The following NALCN variants were observed in gnomAD, a reference collection of about 807,000 sequenced individuals.
NALCN encodes sodium leak channel, non-selective.
Under a neutral mutation model 225.3 loss-of-function variants are expected in NALCN, and 111 were observed. That is an observed-to-expected ratio of 0.49 (90% CI 0.42 to 0.58). The LOEUF (loss-of-function observed/expected upper bound fraction) is 0.58, where lower values mean the gene tolerates loss of function less well. Among genes scored for constraint, NALCN ranks in the 20% least tolerant of loss-of-function variants. The pLI is 0.00. For missense variants in NALCN, 1,378 were observed against 2,202.4 expected (o/e 0.63, Z 7.49); for synonymous variants, 764 against 769.0 (o/e 0.99, Z 0.11).
chr13:101,248,984 C>T (rs1228893338), intron 11 of NALCN, among the ~76,000 whole-genome samples: 1 of 152,042 alleles, frequency 6.6e-6, no homozygotes, highest in African/African-American at 2.4e-5. Flanking sequence ...CCTGGAACCC[C>T]CTGAGCTTAC....
intron 14 of NALCN, among the ~76,000 whole-genome samples, chr13:101,190,222 T>A (rs895576055): frequency 7.2e-5 from 11 of 152,188 alleles, no homozygotes; most frequent in African/African-American, 2.7e-4. Flanking sequence ...AACGATTAGG[T>A]TGATTACTAT....
chr13:101,384,500 T>C (rs1337928266), intron 3 of NALCN, among the ~76,000 whole-genome samples: 2 of 152,310 alleles, frequency 1.3e-5, no homozygotes, highest in South Asian at 2.1e-4. Context: ...CAAAATGATA[T>C]GCACTGGTAC....
intron 2 of NALCN, among the ~76,000 whole-genome samples, chr13:101,397,109 T>TATACACAC (rs1169730118): frequency 1.7e-4 from 14 of 80,964 alleles, no homozygotes; most frequent in African/African-American, 5.8e-4. Flanking sequence ...TATATATATA[T>TATACACAC]ACATACACAT....
chr13:101,190,241 T>C (rs1399123180), intron 14 of NALCN, among the ~76,000 whole-genome samples: 2 of 152,330 alleles, frequency 1.3e-5, no homozygotes, highest in Non-Finnish European at 2.9e-5. Context: ...ATAAAATAAT[T>C]AGATTGATAT....
intron 22 of NALCN, among the ~76,000 whole-genome samples, chr13:101,105,895 G>A (rs994752930): frequency 1.3e-5 from 2 of 152,156 alleles, no homozygotes; most frequent in Non-Finnish European, 2.9e-5. Flanking sequence ...AAATGACACC[G>A]AGTGGTCCCT....
chr13:101,106,849 T>G (rs530729841), intron 22 of NALCN, among the ~76,000 whole-genome samples: 1 of 152,326 alleles, frequency 6.6e-6, no homozygotes, highest in Non-Finnish European at 1.5e-5. Context: ...TCTTTATCAG[T>G]GGCATGAAAA....
chr13:101,382,686 T>A (rs1241853314), intron 3 of NALCN, among the ~76,000 whole-genome samples: 4 of 152,208 alleles, frequency 2.6e-5, no homozygotes, highest in African/African-American at 9.7e-5. Flanking sequence ...ATTAGAAGCA[T>A]ACAAACATCT....
intron 7 of NALCN, among the ~76,000 whole-genome samples, chr13:101,297,302 G>C (rs544810): frequency 4.6e-5 from 7 of 152,274 alleles, no homozygotes; most frequent in East Asian, 1.9e-4. Context: ...CATGACAGAA[G>C]TTGGGAAGTT....
At position 101,119,807 on chromosome 13, in the gene NALCN, G is replaced by A. The variant is rs1291096390; in HGVS notation, c.2192+4801C>T. On this transcript the variant is annotated intron_variant, in intron 18 of 43. Coordinates refer to ENST00000251127, the MANE Select transcript of NALCN (RefSeq NM_052867.4). Reference sequence around the variant, plus strand: ...AATCCTGGATTTTATAATTCAGGTAGTGGAACATCCTCTTCGGATAACTCT... The same window carrying A: ...AATCCTGGATTTTATAATTCAGGTAATGGAACATCCTCTTCGGATAACTCT... Among the ~76,000 whole-genome samples the A allele has an allele frequency of 2.6e-5, 4 of 152,214 alleles. No individual in the cohort carries two copies. In the South Asian group the frequency reaches 6.2e-4, roughly 24 times the overall value.
Position 101,272,974 on chromosome 13 carries a change from G to A in NALCN, c.1134+10959C>T, listed in dbSNP as rs536800495. 2.6e-5 allele frequency among the ~76,000 whole-genome samples: 4 copies of A among 152,288 alleles called. No individual in the cohort carries two copies. The East Asian group carries it at 7.7e-4, about 29-fold the overall frequency. ...ACACTGAAGGAATAATTTCGCCACC[G>A]TTTGACCTACTTTCAGCAAGCACCT... On this transcript the variant is annotated intron_variant, in intron 10 of 43. Transcript: ENST00000251127.
intron 6 of NALCN, among the ~76,000 whole-genome samples, chr13:101,361,133 A>G (rs1213228449): frequency 6.6e-6 from 1 of 152,178 alleles, no homozygotes; most frequent in African/African-American, 2.4e-5. Flanking sequence ...TTTACCAAAG[A>G]GATTTCATCC....
At position 101,378,557 on chromosome 13, in the gene NALCN, A is replaced by G; in HGVS notation, c.375+13T>C. On this transcript the variant is annotated intron_variant, in intron 4 of 43. Coordinates refer to ENST00000251127, the MANE Select transcript of NALCN (RefSeq NM_052867.4). ...GAGAATACCTGCTTGTAATTTAAAA[A>G]ATATTTAATTACCTGTAGCACCAAA... 1 of 1,584,626 alleles carries G rather than the reference A, an allele frequency of 6.3e-7. No homozygotes were observed. The highest frequency in any genetic ancestry group is 8.6e-7 in the Non-Finnish European group (1 of 1,164,838).
intron 3 of NALCN, 55 bp from the exon 4 acceptor site, chr13:101,378,708 A>G (rs2139426697): frequency 7.0e-7 from 1 of 1,420,076 alleles, no homozygotes; most frequent in East Asian, 2.3e-5. Context: ...TTAAAGAACA[A>G]TCTGTGGAGG....
At chr13:101,059,741 C>A in intron 42 of NALCN, 77 bp downstream of exon 42, 2 of 1,339,364 alleles carry the variant, frequency 1.5e-6, no homozygotes, top group Non-Finnish European at 2.1e-6. Context: ...ATCTGACCAG[C>A]ACCCATTTTA....
At chr13:101,087,320 A>C (rs2033981311) in intron 30 of NALCN, among the ~76,000 whole-genome samples, 1 of 152,118 alleles carries the variant, frequency 6.6e-6, no homozygotes, top group Non-Finnish European at 1.5e-5. Flanking sequence ...TGTGTGCTCC[A>C]TGAGGGCAAA....
At chr13:101,237,020 G>A (rs2041585784) in intron 12 of NALCN, among the ~76,000 whole-genome samples, 1 of 151,322 alleles carries the variant, frequency 6.6e-6, no homozygotes, top group African/African-American at 2.4e-5. Context: ...TACATTTGAG[G>A]TGTTTTTGAC....
chr13:101,082,293 C>T (rs542277648), intron 33 of NALCN, among the ~76,000 whole-genome samples: 25 of 152,286 alleles, frequency 1.6e-4, no homozygotes, highest in African/African-American at 5.8e-4. Flanking sequence ...GTGTTCTCTA[C>T]ACTCTTTCCT....
chr13:101,111,095 C>T (rs1397125111), intron 19 of NALCN, 30 bp downstream of exon 19: 2 of 1,586,498 alleles, frequency 1.3e-6, no homozygotes, highest in East Asian at 2.3e-5. Context: ...TTTTTAGAGT[C>T]TCTGAAGCCC....
intron 18 of NALCN, among the ~76,000 whole-genome samples, chr13:101,121,609 T>A (rs2035976402): frequency 6.6e-6 from 1 of 152,168 alleles, no homozygotes; most frequent in South Asian, 2.1e-4. Context: ...CCTAGAAAGT[T>A]AAGAGGAATA....
Sources: gnomAD v4.1 joint callset for allele counts (sites outside exome capture counted in the v4.1 genomes callset) on GRCh38, gnomAD v4.1.1 for gene constraint, MANE v1.5 for transcripts, NCBI Gene and HGNC (gene_info 2026-07-23, HGNC 2026-07-21) for gene names.